ISM2: variants seen among roughly 807,000 people sequenced by gnomAD.
The protein encoded by ISM2 is isthmin 2, also known as isthmin-2.
ISM2 carries 50 observed loss-of-function variants against 58.0 expected under a neutral mutation model. That is an observed-to-expected ratio of 0.86 (90% CI 0.69 to 1.09). ISM2 has a LOEUF of 1.09. ISM2 is among the 50% of genes least tolerant of loss of function. The pLI is 0.00. For missense variants in ISM2, 723 were observed against 745.0 expected (o/e 0.97, Z 0.34); for synonymous variants, 303 against 312.4 (o/e 0.97, Z 0.32).
At position 77,475,663 on chromosome 14, in the gene ISM2, G is replaced by A. The variant is rs1172723498; in HGVS notation, c.1648C>T (p.Arg550Ter). The change falls in exon 7 of 7, where the codon CGA becomes TGA. Residue 550 changes from arginine (R) to a stop codon, truncating the protein, a stop_gained. Coordinates refer to ENST00000342219, the MANE Select transcript of ISM2 (RefSeq NM_199296.3). LOFTEE classifies it high-confidence loss of function. This position sits in a 1 kb window ranked among gnomAD's most constrained non-coding sequence, Gnocchi z 4.1. ...LHAVLPPNNG[R>*]ACTDNPLEEE... The stretch of plus-strand genomic sequence containing the variant: ...TCCAGGGGGTTGTCGGTGCAGGCTC[G>A]GCCGTTGTTGGGAGGGAGCACAGCG... 6 of 1,613,488 alleles carry A rather than the reference G, an allele frequency of 3.7e-6. No individual in the cohort carries two copies. The highest frequency in any genetic ancestry group is 1.1e-5 in the South Asian group (1 of 90,966).
intron 1 of ISM2, among the ~76,000 whole-genome samples, chr14:77,493,730 G>A (rs568753012): frequency 3.9e-5 from 6 of 152,214 alleles, no homozygotes; most frequent in Admixed American, 6.5e-5. Context: ...CCAAAGTGCC[G>A]GGATTATAGG....
At chr14:77,476,677 A>T (rs780184195) in intron 6 of ISM2, among the ~76,000 whole-genome samples, 40 of 152,028 alleles carry the variant, frequency 2.6e-4, no homozygotes, top group Non-Finnish European at 5.3e-4. Flanking sequence ...CTATATTTTT[A>T]TTTAATTTTA....
chr14:77,494,339 G>A (rs953134721), intron 1 of ISM2, among the ~76,000 whole-genome samples: 1 of 152,022 alleles, frequency 6.6e-6, no homozygotes, highest in East Asian at 1.9e-4. Context: ...GGGGTTTGAT[G>A]TTCTTTAGCT....
chr14:77,498,392 C>T, intron 1 of ISM2: 3 of 1,308,950 alleles, frequency 2.3e-6, no homozygotes, highest in Non-Finnish European at 3.1e-6. Context: ...CCACCTCACT[C>T]CGCACAGAAG....
chr14:77,478,836 T>G (rs908714586), intron 4 of ISM2, 121 bp from the exon 5 acceptor site: 25 of 991,318 alleles, frequency 2.5e-5, no homozygotes, highest in African/African-American at 4.9e-5. Flanking sequence ...TCCAGCCTCA[T>G]GAATGAAGCT....
intron 3 of ISM2, chr14:77,483,005 G>A (rs531121113): frequency 3.6e-5 from 8 of 220,758 alleles, no homozygotes; most frequent in Admixed American, 2.3e-4. Context: ...TTTGAATCTC[G>A]GCTCTGCCAG....
At chr14:77,496,079 G>A (rs965146059) in intron 1 of ISM2, among the ~76,000 whole-genome samples, 20 of 151,766 alleles carry the variant, frequency 1.3e-4, no homozygotes, top group African/African-American at 4.1e-4. Context: ...GCTGGGCGTG[G>A]TGGCAGGCAT....
chr14:77,487,400 C>A (rs2079174782), intron 1 of ISM2, among the ~76,000 whole-genome samples: 2 of 152,190 alleles, frequency 1.3e-5, no homozygotes, highest in Non-Finnish European at 2.9e-5. Flanking sequence ...TGAGCTTCTT[C>A]ATCTGCAAAA....
In ISM2 at chr14:77,498,795, G is replaced by C. The variant is rs1166282040; in HGVS notation, c.-2C>G. ...GGCTCGGTCGCGGAGCGCACGCATC[G>C]TCTCGGTTCCGAGGCTGCTCTGCCT... On this transcript the variant is annotated 5_prime_UTR_variant, in exon 1 of 7. Coordinates refer to ENST00000342219, the MANE Select transcript of ISM2 (RefSeq NM_199296.3). 1.4e-6 allele frequency: 2 copies of C among 1,431,706 alleles called. No individual in the cohort carries two copies. The highest frequency in any genetic ancestry group is 1.4e-5 in the South Asian group (1 of 70,380). The allele number at this position is 1,431,706 out of a possible 1,614,324, so 88.7% of individuals were successfully genotyped here. A position where few individuals can be genotyped will look rare whatever the true frequency, so the allele number is the denominator to read the frequency against.
chr14:77,484,337 TA>T lies in ISM2; in HGVS notation c.612del (p.Asn205ThrfsTer6). On this transcript the variant is annotated frameshift_variant, in exon 3 of 7. Coordinates refer to ENST00000342219, the MANE Select transcript of ISM2 (RefSeq NM_199296.3). LOFTEE classifies it high-confidence loss of function. ...PELVHATLST[P>X]NPDNQVTIKV... ...GTAGCTCTCACCTGGTTATCAGGGTTAGGGGTACTCAAGGTTGCGTGGACCA... is the reference window on the plus strand; with the variant it reads ...GTAGCTCTCACCTGGTTATCAGGGTTGGGGTACTCAAGGTTGCGTGGACCA... 2 of 1,611,416 alleles carry T rather than the reference TA, an allele frequency of 1.2e-6. No homozygotes were observed. Among genetic ancestry groups the T allele is most frequent in the African/African-American group, 1.3e-5 (1 of 74,898 alleles).
chr14:77,485,006 C>G (rs2079159328), intron 1 of ISM2, 87 bp from the exon 2 acceptor site: 1 of 1,413,282 alleles, frequency 7.1e-7, no homozygotes, highest in Non-Finnish European at 9.6e-7. Context: ...GATCCAGGAG[C>G]CCTGGGGTCT....
rs751570245 is a variant in ISM2, at chr14:77,475,650, T to A, written c.1661A>T (p.Asp554Val). 3.1e-6 allele frequency: 5 copies of A among 1,612,164 alleles called. No individual in the cohort carries two copies. In the South Asian group the frequency reaches 5.5e-5, roughly 18 times the overall value. Residue 554 changes from aspartate to valine, a missense_variant, in exon 7 of 7, where the codon GAC becomes GTC. Transcript: ENST00000342219. The surrounding 1 kb of genome is among the most constrained non-coding windows in gnomAD (Gnocchi z 4.1). Reference sequence around the variant, plus strand: ...TAGGTACTCCTCCTCCAGGGGGTTGTCGGTGCAGGCTCGGCCGTTGTTGGG... The same window carrying A: ...TAGGTACTCCTCCTCCAGGGGGTTGACGGTGCAGGCTCGGCCGTTGTTGGG... ...LPPNNGRACT[D>V]NPLEEEYLAQ...
intron 1 of ISM2, among the ~76,000 whole-genome samples, chr14:77,493,485 G>A (rs2079219419): frequency 6.7e-6 from 1 of 150,120 alleles, no homozygotes; most frequent in South Asian, 2.1e-4. Flanking sequence ...TTTTTGAGAG[G>A]GAGTCTTGCT....
intron 1 of ISM2, chr14:77,498,213 A>G: frequency 7.9e-7 from 1 of 1,268,064 alleles, no homozygotes; most frequent in Non-Finnish European, 1.0e-6. Flanking sequence ...TGTCTCATGG[A>G]AGGGGCTCAC....
intron 1 of ISM2, among the ~76,000 whole-genome samples, chr14:77,491,665 T>A (rs888353169): frequency 5.3e-5 from 8 of 151,526 alleles, no homozygotes; most frequent in African/African-American, 1.9e-4. Context: ...GTGCTGGAAT[T>A]ACAGGCATGG....
In ISM2 at chr14:77,475,973, G is replaced by A. The variant is rs3742732; in HGVS notation, c.1338C>T (p.Asp446=). ...ACCGGAAGCTGCGGCCCTGGTGCTC[G>A]TCCTGTAGGCTCACAGGGCTGTCCA... ...EAMDSPVSLQ[D]EHQGRSFRWR... The change falls in exon 7 of 7, where the codon GAC becomes GAT. Residue 446 remains aspartate (D), a synonymous_variant. Coordinates refer to ENST00000342219, the MANE Select transcript of ISM2 (RefSeq NM_199296.3). This position sits in a 1 kb window ranked among gnomAD's most constrained non-coding sequence, Gnocchi z 4.1. 0.09 allele frequency: 143,017 copies of A among 1,596,198 alleles called. 7,312 individuals carry two copies. The highest frequency in any genetic ancestry group is 0.2 in the Admixed American group (11,732 of 59,844).
At chr14:77,491,805 C>T (rs1383492753) in intron 1 of ISM2, among the ~76,000 whole-genome samples, 2 of 149,660 alleles carry the variant, frequency 1.3e-5, no homozygotes, top group Non-Finnish European at 3.0e-5. Flanking sequence ...AAGCGATTCT[C>T]ATGCCTCAGC....
chr14:77,477,896 C>T (rs955404642), intron 6 of ISM2, among the ~76,000 whole-genome samples: 15 of 152,298 alleles, frequency 9.8e-5, no homozygotes, highest in African/African-American at 3.6e-4. Flanking sequence ...TCCCCCTCTC[C>T]AGACAGAGCC....
chr14:77,486,074 T>C (rs983096344), intron 1 of ISM2, among the ~76,000 whole-genome samples: 7 of 152,212 alleles, frequency 4.6e-5, no homozygotes, highest in Admixed American at 3.3e-4. Context: ...GTCATGCCTG[T>C]CTTACAGTGG....
Sources: allele counts gnomAD v4.1 joint callset (sites outside exome capture counted in the v4.1 genomes callset), GRCh38; gene constraint gnomAD v4.1.1; non-coding constraint Gnocchi (gnomAD v3.1); transcripts MANE v1.5; gene names NCBI Gene and HGNC (gene_info 2026-07-23, HGNC 2026-07-21).